The following PAM variants were observed in gnomAD, a reference collection of about 807,000 sequenced individuals.
PAM encodes peptidylglycine alpha-amidating monooxygenase, also known as peptidyl-glycine alpha-amidating monooxygenase.
A neutral mutation model predicts 122.1 loss-of-function variants in PAM; 72 were observed. The observed-to-expected ratio is 0.59, with a 90% CI of 0.49 to 0.72. PAM has a LOEUF of 0.72. PAM is among the 30% of genes least tolerant of loss of function. The pLI, the probability that PAM is intolerant of heterozygous loss-of-function variation, is 0.00. For missense variants in PAM, 1,106 were observed against 1,183.7 expected (o/e 0.93, Z 0.96); for synonymous variants, 389 against 404.4 (o/e 0.96, Z 0.46).
chr5:102,755,830 T>C (rs748283697), intron 1 of PAM, among the ~76,000 whole-genome samples: 2 of 151,518 alleles, frequency 1.3e-5, no homozygotes, highest in Admixed American at 6.6e-5. Flanking sequence ...AGTAGCAACC[T>C]GGGGTGTGGA....
In PAM at chr5:103,012,932, A is replaced by G. The variant is rs147861008; in HGVS notation, c.2331+3066A>G. On this transcript the variant is annotated intron_variant, in intron 21 of 25. Coordinates refer to ENST00000438793, the MANE Select transcript of PAM (RefSeq NM_001177306.2). ...GTTCTCTATGCGATTCCATTGGTCT[A>G]TGTGTCTGTTTTTATGGCAGTACCA... Among the ~76,000 whole-genome samples, 878 of 151,308 alleles carry G rather than the reference A, an allele frequency of 5.8e-3. 10 individuals are homozygous for G. The highest frequency in any genetic ancestry group is 0.02 in the African/African-American group (811 of 41,206).
chr5:102,932,769 T>C (rs1324166653), intron 7 of PAM, among the ~76,000 whole-genome samples: 1 of 152,022 alleles, frequency 6.6e-6, no homozygotes, highest in Non-Finnish European at 1.5e-5. Flanking sequence ...TGGCAATGAA[T>C]GTTAGTTCTC....
rs764907337 is a variant in PAM, at chr5:102,989,408, G to A, written c.1484-864G>A. Among the ~76,000 whole-genome samples the A allele has an allele frequency of 5.3e-4, 81 of 152,106 alleles. 1 individual carries two copies. The highest frequency in any genetic ancestry group is 3.5e-3 in the Admixed American group (54 of 15,262). ...TATTGTCCCAGCTACTCAGGAGACC[G>A]AGGTGGGAGGATTGCTTGAGCTCAG... On this transcript the variant is annotated intron_variant, in intron 15 of 25. Coordinates refer to ENST00000438793, the MANE Select transcript of PAM (RefSeq NM_001177306.2).
chr5:102,964,223 A>G (rs1763351138), intron 14 of PAM, among the ~76,000 whole-genome samples: 2 of 151,938 alleles, frequency 1.3e-5, no homozygotes, highest in South Asian at 2.1e-4. Flanking sequence ...TGAAATTTGT[A>G]TCTCAAAAAT....
intron 1 of PAM, among the ~76,000 whole-genome samples, chr5:102,797,249 C>A (rs1763607577): frequency 6.6e-6 from 1 of 152,078 alleles, no homozygotes; most frequent in Non-Finnish European, 1.5e-5. Context: ...TTTTATGTAT[C>A]TTCTGTAACT....
intron 24 of PAM, among the ~76,000 whole-genome samples, chr5:103,027,274 C>T (rs1456170591): frequency 6.6e-6 from 1 of 152,208 alleles, no homozygotes; most frequent in Non-Finnish European, 1.5e-5. Context: ...AATTTGTTGG[C>T]TTTCTAACAG....
intron 21 of PAM, among the ~76,000 whole-genome samples, chr5:103,010,966 CAATTA>C (rs1397249522): frequency 1.3e-5 from 2 of 152,098 alleles, no homozygotes; most frequent in Non-Finnish European, 1.5e-5. Context: ...TTAAAATGTA[CAATTA>C]AATTATTATT....
chr5:102,951,246 C>A (rs1350085931), intron 12 of PAM, among the ~76,000 whole-genome samples: 1 of 151,778 alleles, frequency 6.6e-6, no homozygotes, highest in African/African-American at 2.4e-5. Context: ...TAATAATTTC[C>A]AGTTGTTTAG....
chr5:102,787,119 C>G (rs560865056), intron 1 of PAM, among the ~76,000 whole-genome samples: 2 of 152,168 alleles, frequency 1.3e-5, no homozygotes, highest in East Asian at 3.9e-4. Flanking sequence ...GGTGGAAAGG[C>G]CAAGGAGAAA....
intron 23 of PAM, among the ~76,000 whole-genome samples, chr5:103,023,632 C>A (rs1784231656): frequency 6.6e-6 from 1 of 152,010 alleles, no homozygotes; most frequent in Non-Finnish European, 1.5e-5. Flanking sequence ...TCCTTTCCTT[C>A]CCTCCCTTTC....
intron 7 of PAM, among the ~76,000 whole-genome samples, chr5:102,931,068 C>T (rs1490583759): frequency 6.6e-6 from 1 of 151,974 alleles, no homozygotes; most frequent in African/African-American, 2.4e-5. Flanking sequence ...GGTACCATAC[C>T]TTTATATAAA....
intron 1 of PAM, among the ~76,000 whole-genome samples, chr5:102,769,083 C>T (rs1302001120): frequency 6.6e-6 from 1 of 152,090 alleles, no homozygotes; most frequent in African/African-American, 2.4e-5. Flanking sequence ...TTTTTATTTG[C>T]ATTTCTCTGA....
At chr5:102,998,375 T>C (rs1776346098) in intron 16 of PAM, among the ~76,000 whole-genome samples, 2 of 152,134 alleles carry the variant, frequency 1.3e-5, no homozygotes. Flanking sequence ...GATGTGGAAT[T>C]ATGTGTGCTG....
rs781263830 is a variant in PAM, at chr5:102,879,515, G to A, written c.210+12122G>A. On this transcript the variant is annotated intron_variant, in intron 3 of 25. Coordinates refer to ENST00000438793, the MANE Select transcript of PAM (RefSeq NM_001177306.2). ...CAGATTTCCCCCTTGTTGTTCCAGTGACAGTAAGTGGGTTCTCATGAAATT... is the reference window on the plus strand; with the variant it reads ...CAGATTTCCCCCTTGTTGTTCCAGTAACAGTAAGTGGGTTCTCATGAAATT... 2.6e-4 allele frequency among the ~76,000 whole-genome samples: 40 copies of A among 152,112 alleles called. 1 individual carries two copies. Among genetic ancestry groups the A allele is most frequent in the Non-Finnish European group, 4.4e-4 (30 of 68,002 alleles).
At chr5:102,959,006 C>G (rs1761684948) in intron 12 of PAM, among the ~76,000 whole-genome samples, 1 of 151,984 alleles carries the variant, frequency 6.6e-6, no homozygotes. Context: ...TTAAATGGTT[C>G]CTTCCTAATA....
At chr5:102,967,783 TCAGCTCA>T (rs1473740923) in intron 14 of PAM, among the ~76,000 whole-genome samples, 3 of 148,952 alleles carry the variant, frequency 2.0e-5, no homozygotes, top group African/African-American at 7.4e-5. Flanking sequence ...TGGCACTATC[TCAGCTCA>T]CAGCTCACTG....
intron 15 of PAM, among the ~76,000 whole-genome samples, chr5:102,984,971 C>A (rs1771267198): frequency 6.6e-6 from 1 of 151,564 alleles, no homozygotes; most frequent in African/African-American, 2.4e-5. Flanking sequence ...ACAAAATGCT[C>A]ATGACCAACT....
chr5:102,832,044 C>T (rs781095158), intron 1 of PAM, among the ~76,000 whole-genome samples: 6 of 151,916 alleles, frequency 3.9e-5, no homozygotes, highest in Admixed American at 6.6e-5. Context: ...GTCTCAGAGC[C>T]GTTCCCTTCA....
At chr5:102,933,308 G>T (rs952433106) in intron 7 of PAM, among the ~76,000 whole-genome samples, 1 of 152,198 alleles carries the variant, frequency 6.6e-6, no homozygotes, top group African/African-American at 2.4e-5. Flanking sequence ...ATAGACTTTG[G>T]CTTGCAGCCC....
Sources: allele counts gnomAD v4.1 joint callset (sites outside exome capture counted in the v4.1 genomes callset), GRCh38; gene constraint gnomAD v4.1.1; transcripts MANE v1.5; gene names NCBI Gene and HGNC (gene_info 2026-07-23, HGNC 2026-07-21).